Variants in PRKCA observed in about 807,000 individuals in gnomAD.
The protein encoded by PRKCA is protein kinase C alpha type.
Under a neutral mutation model 87.0 loss-of-function variants are expected in PRKCA, and 27 were observed. The observed-to-expected ratio is 0.31, with a 90% CI of 0.23 to 0.43. The LOEUF is 0.43. Ranked by LOEUF, PRKCA falls within the 20% of genes least tolerant of loss-of-function variation. The pLI, the probability that PRKCA is intolerant of heterozygous loss-of-function variation, is 1.00. For missense variants in PRKCA, 518 were observed against 852.3 expected, an observed-to-expected ratio of 0.61 and a Z score of 4.88; for synonymous variants, 329 against 311.1, an observed-to-expected ratio of 1.06 and a Z score of -0.61.
At chr17:66,310,810 C>T (rs1033154503) in intron 2 of PRKCA, among the ~76,000 whole-genome samples, 3 of 152,166 alleles carry the variant, frequency 2.0e-5, no homozygotes, top group Non-Finnish European at 4.4e-5. Flanking sequence ...AGGGATGCGC[C>T]GTTGTCCTCA....
At position 66,635,615 on chromosome 17, in the gene PRKCA, T is replaced by C. The variant is rs547468589; in HGVS notation, c.289-5740T>C. Among the ~76,000 whole-genome samples the C allele has an allele frequency of 5.3e-5, 8 of 152,356 alleles. No individual in the cohort carries two copies. In the South Asian group the frequency reaches 1.7e-3, roughly 32 times the overall value. Reference sequence around the variant, plus strand: ...TCCTTAACATGAGATCAGCGGGTTATATATTTAATGAAGAAGTAAAAGATG... The same window carrying C: ...TCCTTAACATGAGATCAGCGGGTTACATATTTAATGAAGAAGTAAAAGATG... On this transcript the variant is annotated intron_variant, in intron 3 of 16. Coordinates refer to ENST00000413366, the MANE Select transcript of PRKCA (RefSeq NM_002737.3).
At chr17:66,731,169 G>A (rs1014493895) in intron 8 of PRKCA, among the ~76,000 whole-genome samples, 1 of 152,024 alleles carries the variant, frequency 6.6e-6, no homozygotes, top group African/African-American at 2.4e-5. Context: ...TGCCCAACAT[G>A]GCGAAACCCC....
chr17:66,547,643 C>T (rs1372588699), intron 3 of PRKCA, among the ~76,000 whole-genome samples: 2 of 152,098 alleles, frequency 1.3e-5, no homozygotes, highest in Non-Finnish European at 2.9e-5. Flanking sequence ...TTGTTAACTT[C>T]ATCGAAAGTT....
chr17:66,550,046 C>G (rs546030602), intron 3 of PRKCA, among the ~76,000 whole-genome samples: 1 of 152,274 alleles, frequency 6.6e-6, no homozygotes, highest in East Asian at 1.9e-4. Context: ...CCATTTAGAA[C>G]AACTTGAGAG....
intron 2 of PRKCA, among the ~76,000 whole-genome samples, chr17:66,464,933 G>A (rs1381636043): frequency 1.3e-5 from 2 of 151,980 alleles, no homozygotes; most frequent in African/African-American, 4.8e-5. Context: ...TATCTAAAAC[G>A]TTATTGCCAA....
intron 3 of PRKCA, among the ~76,000 whole-genome samples, chr17:66,501,354 C>T (rs1373742327): frequency 6.6e-6 from 1 of 152,202 alleles, no homozygotes; most frequent in Non-Finnish European, 1.5e-5. Context: ...CAAGGGTCCT[C>T]TGCCCCTTCT....
chr17:66,793,349 G>T (rs1036405113), intron 16 of PRKCA, among the ~76,000 whole-genome samples: 1 of 152,100 alleles, frequency 6.6e-6, no homozygotes, highest in African/African-American at 2.4e-5. Flanking sequence ...CAGCACTTTG[G>T]GAGGTCGAGG....
At chr17:66,370,638 A>G (rs1909052308) in intron 2 of PRKCA, among the ~76,000 whole-genome samples, 1 of 145,468 alleles carries the variant, frequency 6.9e-6, no homozygotes, top group South Asian at 2.2e-4. Flanking sequence ...GCAACCTGGA[A>G]CTCCCAGGCT....
chr17:66,738,944 G>A, intron 11 of PRKCA, 89 bp downstream of exon 11: 2 of 1,018,652 alleles, frequency 2.0e-6, no homozygotes, highest in Non-Finnish European at 3.0e-6. Context: ...TGAGATTGGG[G>A]GTCTCACTCT....
intron 2 of PRKCA, among the ~76,000 whole-genome samples, chr17:66,449,893 C>T (rs897447350): frequency 1.3e-5 from 2 of 152,088 alleles, no homozygotes; most frequent in African/African-American, 4.8e-5. Flanking sequence ...TTTGTTCTGC[C>T]ATGCGCTTCA....
intron 5 of PRKCA, among the ~76,000 whole-genome samples, chr17:66,663,159 C>T (rs772195353): frequency 2.0e-5 from 3 of 152,210 alleles, no homozygotes; most frequent in South Asian, 2.1e-4. Flanking sequence ...AGGGCTCCCT[C>T]GGGCACAAAC....
At chr17:66,574,582 C>A (rs1969173783) in intron 3 of PRKCA, among the ~76,000 whole-genome samples, 1 of 152,102 alleles carries the variant, frequency 6.6e-6, no homozygotes. Flanking sequence ...TCTGTATAAG[C>A]AGGTTGATTA....
Position 66,453,134 on chromosome 17 carries a change from A to G in PRKCA, c.206-43067A>G, listed in dbSNP as rs545262200. ...CTTCCCACTGGCTAGGTGGTCACGG[A>G]TGTGGAAATATCCCAAGCTTGAAAC... On this transcript the variant is annotated intron_variant, in intron 2 of 16. Transcript: ENST00000413366. Among the ~76,000 whole-genome samples, 15 of 152,132 alleles carry G rather than the reference A, an allele frequency of 9.9e-5. No homozygotes were observed. In the South Asian group the frequency reaches 3.1e-3, roughly 32 times the overall value.
intron 8 of PRKCA, among the ~76,000 whole-genome samples, chr17:66,727,976 G>T (rs1973796992): frequency 6.6e-6 from 1 of 152,164 alleles, no homozygotes; most frequent in Non-Finnish European, 1.5e-5. Context: ...CCCCAGCATT[G>T]ATTAGACCCA....
At chr17:66,494,359 G>A (rs1053817381) in intron 2 of PRKCA, among the ~76,000 whole-genome samples, 5 of 152,164 alleles carry the variant, frequency 3.3e-5, no homozygotes, top group East Asian at 3.8e-4. Flanking sequence ...CCAGGAAGTC[G>A]AAGATCAAGG....
At chr17:66,352,345 A>G (rs971860490) in intron 2 of PRKCA, among the ~76,000 whole-genome samples, 10 of 151,950 alleles carry the variant, frequency 6.6e-5, no homozygotes, top group East Asian at 3.9e-4. Flanking sequence ...CATGAAATGT[A>G]CTATCTGAGG....
At chr17:66,766,884 A>G (rs1974824110) in intron 13 of PRKCA, among the ~76,000 whole-genome samples, 2 of 152,164 alleles carry the variant, frequency 1.3e-5, no homozygotes, top group Admixed American at 6.5e-5. Flanking sequence ...GGCTTTAACC[A>G]AGTTAAACAT....
At chr17:66,623,009 A>C (rs1970734409) in intron 3 of PRKCA, among the ~76,000 whole-genome samples, 1 of 152,242 alleles carries the variant, frequency 6.6e-6, no homozygotes, top group Admixed American at 6.5e-5. Context: ...TGTGAGTTGA[A>C]TATAGGCTCT....
chr17:66,756,916 G>C (rs1414906318), intron 13 of PRKCA, among the ~76,000 whole-genome samples: 2 of 152,198 alleles, frequency 1.3e-5, no homozygotes, highest in African/African-American at 4.8e-5. Flanking sequence ...GCCTGCCTCA[G>C]TCTCCCAGAG....
Sources: allele counts gnomAD v4.1 joint callset (sites outside exome capture counted in the v4.1 genomes callset), GRCh38; gene constraint gnomAD v4.1.1; transcripts MANE v1.5; gene names NCBI Gene and HGNC (gene_info 2026-07-23, HGNC 2026-07-21).